The following CACNA2D2 variants were observed in gnomAD, a reference collection of about 807,000 sequenced individuals.
The protein encoded by CACNA2D2 is calcium voltage-gated channel auxiliary subunit alpha2delta 2.
CACNA2D2 carries 48 observed loss-of-function variants against 166.4 expected under a neutral mutation model. That is an observed-to-expected ratio of 0.29 (90% confidence interval 0.23 to 0.37). CACNA2D2 has a LOEUF of 0.37. CACNA2D2 is among the 10% of genes least tolerant of loss of function. The pLI, the probability that CACNA2D2 is intolerant of heterozygous loss-of-function variation, is 1.00. For synonymous variants in CACNA2D2, 561 were observed against 573.7 expected, an observed-to-expected ratio of 0.98 and a Z score of 0.32; for missense variants, 1,122 against 1,433.0, an observed-to-expected ratio of 0.78 and a Z score of 3.50.
At chr3:50,388,474 C>CA (rs1575614561) in intron 4 of CACNA2D2, among the ~76,000 whole-genome samples, 1 of 152,224 alleles carries the variant, frequency 6.6e-6, no homozygotes, top group African/African-American at 2.4e-5. Flanking sequence ...TTCTGTACGG[C>CA]AAAAACCTGC....
intron 1 of CACNA2D2, among the ~76,000 whole-genome samples, chr3:50,488,309 C>T (rs558461326): frequency 3.0e-4 from 45 of 152,280 alleles, no homozygotes; most frequent in African/African-American, 1.0e-3. Flanking sequence ...GGCAGTGAGA[C>T]GGCTGTGCCC....
intron 3 of CACNA2D2, among the ~76,000 whole-genome samples, chr3:50,399,475 C>T (rs1362326594): frequency 6.6e-6 from 1 of 152,108 alleles, no homozygotes; most frequent in Admixed American, 6.6e-5. Context: ...GGAGCGTGGG[C>T]TCTGGGGTGG....
chr3:50,368,559 G>A lies in CACNA2D2; in HGVS notation c.2046-324C>T, dbSNP rs587618320. On this transcript the variant is annotated intron_variant, in intron 23 of 37. Transcript: ENST00000424201. ...TGAAAGGCCCCAGGAAATGCCTGGCGGCCTGCTCATCCACGTGTATGCCCT... is the reference window on the plus strand; with the variant it reads ...TGAAAGGCCCCAGGAAATGCCTGGCAGCCTGCTCATCCACGTGTATGCCCT... Among the ~76,000 whole-genome samples the A allele has an allele frequency of 8.5e-5, 13 of 152,284 alleles. No homozygotes were observed. In the East Asian group the frequency reaches 1.9e-3, roughly 23 times the overall value.
intron 22 of CACNA2D2, among the ~76,000 whole-genome samples, chr3:50,371,814 G>A (rs909879176): frequency 6.6e-6 from 1 of 152,088 alleles, no homozygotes; most frequent in Non-Finnish European, 1.5e-5. Context: ...CAGGGAAGGA[G>A]ACTATGCTAT....
chr3:50,373,209 G>A, intron 22 of CACNA2D2: 2 of 799,300 alleles, frequency 2.5e-6, no homozygotes, highest in Non-Finnish European at 4.0e-6. Context: ...CTGTTTGAAT[G>A]AAAATATTGT....
rs1413955767 is a variant in CACNA2D2, at chr3:50,379,182, G to A, written c.1170C>T (p.Ala390=). The A allele has an allele frequency of 4.3e-6, 7 of 1,613,750 alleles. No individual in the cohort carries two copies. The highest frequency in any genetic ancestry group is 5.9e-6 in the Non-Finnish European group (7 of 1,179,886). ...ACATCATGATCATCTTGTTGCAGTT[G>A]GCCCGAGTGATGTTGGACTGAGGGG... ...DQLQNSNITR[A]NCNKMIMMFT... Residue 390 remains alanine, a synonymous_variant, in exon 12 of 38, where the codon GCC becomes GCT. Transcript: ENST00000424201. The surrounding 1 kb of genome is among the most constrained non-coding windows in gnomAD (Gnocchi z 6.5).
In CACNA2D2 at chr3:50,365,220, G is replaced by A; in HGVS notation, c.3099-36C>T. On this transcript the variant is annotated intron_variant, in intron 35 of 37. Coordinates refer to ENST00000424201, the MANE Select transcript of CACNA2D2 (RefSeq NM_006030.4). The surrounding 1 kb of genome is among the most constrained non-coding windows in gnomAD (Gnocchi z 4.5). The stretch of plus-strand genomic sequence containing the variant: ...CCCGGAAAGGCGGGGCGTTGAGTTT[G>A]CCCCGCCCTGACCCACCCCCATCCT... 1.3e-6 allele frequency: 2 copies of A among 1,575,448 alleles called. No homozygotes were observed. The highest frequency in any genetic ancestry group is 1.1e-5 in the South Asian group (1 of 89,920).
At chr3:50,370,834 C>T (rs1043562738) in intron 22 of CACNA2D2, among the ~76,000 whole-genome samples, 5 of 152,142 alleles carry the variant, frequency 3.3e-5, no homozygotes, top group African/African-American at 9.7e-5. Context: ...TCCAAAGAGA[C>T]TTTGAGGAAG....
chr3:50,458,452 C>T (rs1399897207), intron 2 of CACNA2D2, among the ~76,000 whole-genome samples: 1 of 152,180 alleles, frequency 6.6e-6, no homozygotes, highest in African/African-American at 2.4e-5. Context: ...TCTCTGGGCT[C>T]ATGTGGAGGG....
chr3:50,459,135 T>C (rs1709490486), intron 2 of CACNA2D2, among the ~76,000 whole-genome samples: 1 of 152,236 alleles, frequency 6.6e-6, no homozygotes, highest in Non-Finnish European at 1.5e-5. Context: ...ACATCATATT[T>C]TGCAAAGTGA....
chr3:50,420,258 C>T (rs970754089), intron 3 of CACNA2D2, among the ~76,000 whole-genome samples: 1 of 152,240 alleles, frequency 6.6e-6, no homozygotes, highest in Non-Finnish European at 1.5e-5. Context: ...CAGCTGAAGG[C>T]TCCATGCATG....
upstream of CACNA2D2, among the ~76,000 whole-genome samples, chr3:50,503,864 T>C (rs973658535): frequency 6.6e-6 from 1 of 150,608 alleles, no homozygotes; most frequent in Non-Finnish European, 1.5e-5. Flanking sequence ...GCGCCCCGGG[T>C]GCGCCCCCGC....
chr3:50,434,896 G>A (rs952359247), intron 2 of CACNA2D2, among the ~76,000 whole-genome samples: 7 of 152,234 alleles, frequency 4.6e-5, no homozygotes, highest in African/African-American at 1.7e-4. Context: ...CACACACACA[G>A]CCATGCCTCC....
In CACNA2D2 at chr3:50,379,169, T is replaced by C. The variant is rs745613070; in HGVS notation, c.1183A>G (p.Met395Val). 1.2e-6 allele frequency: 2 copies of C among 1,613,924 alleles called. No homozygotes were observed. ...SNITRANCNK[M>V]IMMFTDGGED... ...CCACCATCCGTGAACATCATGATCA[T>C]CTTGTTGCAGTTGGCCCGAGTGATG... Residue 395 changes from methionine (M) to valine (V), a missense_variant, in exon 12 of 38, where the codon ATG (methionine) becomes GTG (valine). Physicochemically the swap from Met to Val is conservative, Grantham distance 21 (BLOSUM62 1). Around this residue, in one of 2 missense-constraint regions of CACNA2D2, gnomAD observed 840 missense variants for 1,166.8 expected, o/e 0.72. Coordinates refer to ENST00000424201, the MANE Select transcript of CACNA2D2 (RefSeq NM_006030.4). This position sits in a 1 kb window ranked among gnomAD's most constrained non-coding sequence, Gnocchi z 6.5.
chr3:50,394,945 G>A (rs1196022424), intron 3 of CACNA2D2, among the ~76,000 whole-genome samples: 3 of 152,302 alleles, frequency 2.0e-5, no homozygotes, highest in Admixed American at 6.5e-5. Flanking sequence ...GTGGGGGCTC[G>A]GGACCTCAGG....
At chr3:50,497,573 G>T (rs544113726) in intron 1 of CACNA2D2, among the ~76,000 whole-genome samples, 1 of 152,214 alleles carries the variant, frequency 6.6e-6, no homozygotes, top group Non-Finnish European at 1.5e-5. Flanking sequence ...CAGGACCGGG[G>T]ACACCAAGCC....
At chr3:50,499,415 G>A (rs903710026) in intron 1 of CACNA2D2, among the ~76,000 whole-genome samples, 5 of 152,182 alleles carry the variant, frequency 3.3e-5, no homozygotes, top group Admixed American at 2.6e-4. Flanking sequence ...GGCACCTGAC[G>A]GAGCCCTCCC....
intron 2 of CACNA2D2, among the ~76,000 whole-genome samples, chr3:50,462,167 T>C (rs1022119450): frequency 6.6e-6 from 1 of 152,000 alleles, no homozygotes; most frequent in Non-Finnish European, 1.5e-5. Context: ...GGGAAGTGGA[T>C]CACTTGAAGT....
chr3:50,498,660 C>T (rs553510922), intron 1 of CACNA2D2, among the ~76,000 whole-genome samples: 81 of 152,332 alleles, frequency 5.3e-4, no homozygotes, highest in African/African-American at 1.9e-3. Context: ...AAGGCAGCTT[C>T]ATGCCAAGGA....
Sources: allele counts gnomAD v4.1 joint callset (sites outside exome capture counted in the v4.1 genomes callset), GRCh38; gene constraint gnomAD v4.1.1; regional missense constraint gnomAD v4.1.1; non-coding constraint Gnocchi (gnomAD v3.1); transcripts MANE v1.5; gene names NCBI Gene and HGNC (gene_info 2026-07-23, HGNC 2026-07-21).